ZBTB8A: variants seen among roughly 807,000 people sequenced by gnomAD.
ZBTB8A encodes zinc finger and BTB domain containing 8A.
Under a neutral mutation model 37.8 loss-of-function variants are expected in ZBTB8A, and 19 were observed. The ratio of observed to expected loss-of-function variants is 0.50; its 90% CI spans 0.35 to 0.74. The LOEUF (loss-of-function observed/expected upper bound fraction) is 0.74. Ranked by LOEUF, ZBTB8A falls within the 30% of genes least tolerant of loss-of-function variation. The pLI, the probability that ZBTB8A is intolerant of heterozygous loss-of-function variation, is 0.01. For synonymous variants in ZBTB8A, 181 were observed against 185.2 expected (o/e 0.98, Z 0.19); for missense variants, 394 against 537.8 (o/e 0.73, Z 2.65).
intron 2 of ZBTB8A, among the ~76,000 whole-genome samples, chr1:32,578,059 A>G (rs576193458): frequency 1.2e-4 from 18 of 151,518 alleles, no homozygotes; most frequent in Non-Finnish European, 2.4e-4. Flanking sequence ...GCGTGCCACC[A>G]TCCCCAGCTA....
At chr1:32,594,013 A>T (rs1462769908) in intron 3 of ZBTB8A, among the ~76,000 whole-genome samples, 1 of 151,878 alleles carries the variant, frequency 6.6e-6, no homozygotes, top group Non-Finnish European at 1.5e-5. Flanking sequence ...CCAACATGGC[A>T]AAACCCCGTC....
chr1:32,554,501 T>C (rs1245363197), intron 2 of ZBTB8A, among the ~76,000 whole-genome samples: 1 of 146,318 alleles, frequency 6.8e-6, no homozygotes, highest in African/African-American at 2.5e-5. Context: ...TATTTATTTA[T>C]TTATTTATTT....
chr1:32,539,720 G>GCGCCC (rs1557697353), intron 1 of ZBTB8A, 148 bp downstream of exon 1: 25 of 1,174 alleles, frequency 0.021, no homozygotes, highest in African/African-American at 0.028. Flanking sequence ...AGACGTCCCC[G>GCGCCC]GGCCGGGAGC....
intron 2 of ZBTB8A, among the ~76,000 whole-genome samples, chr1:32,581,016 G>A (rs559065927): frequency 7.0e-6 from 1 of 143,824 alleles, no homozygotes; most frequent in South Asian, 2.2e-4. Flanking sequence ...TCTTAATACT[G>A]TTACCTCTTA....
chr1:32,572,481 C>T (rs536106460), intron 2 of ZBTB8A, among the ~76,000 whole-genome samples: 3 of 151,630 alleles, frequency 2.0e-5, no homozygotes, highest in East Asian at 2.0e-4. Context: ...CTGCAACCTC[C>T]GCCTCCTGGG....
At chr1:32,558,569 A>G (rs1451435448) in intron 2 of ZBTB8A, among the ~76,000 whole-genome samples, 1 of 152,116 alleles carries the variant, frequency 6.6e-6, no homozygotes, top group Non-Finnish European at 1.5e-5. Flanking sequence ...AGCTTTCAAC[A>G]TGTGCCATTC....
At position 32,600,290 on chromosome 1, in the gene ZBTB8A, G is replaced by T; in HGVS notation, c.1197G>T (p.Trp399Cys). The change falls in exon 5 of 5, where the codon TGG becomes TGT. Residue 399 changes from tryptophan to cysteine, a missense_variant. Trp to Cys is a radical substitution (Grantham distance 215, BLOSUM62 -2). Around this residue, in one of 4 missense-constraint regions of ZBTB8A, gnomAD observed 85 missense variants for 89.0 expected, o/e 0.95. Coordinates refer to ENST00000373510, the MANE Select transcript of ZBTB8A (RefSeq NM_001040441.3). ...CAGATGGAGATAAGGATTCCAGATG[G>T]CACTTGAGTGAAGATGAGAATAGAT... is the stretch of plus-strand genomic sequence containing the variant. ...SPSDGDKDSR[W>C]HLSEDENRSY... The T allele has an allele frequency of 6.2e-7, 1 of 1,614,162 alleles. No homozygotes were observed.
intron 3 of ZBTB8A, 45 bp from the exon 4 acceptor site, chr1:32,595,008 AT>A (rs780859938): frequency 6.7e-7 from 1 of 1,496,214 alleles, no homozygotes; most frequent in East Asian, 2.3e-5. Flanking sequence ...TGTTATTAGA[AT>A]TGTTATGAAC....
At chr1:32,577,858 C>T (rs1644374677) in intron 2 of ZBTB8A, among the ~76,000 whole-genome samples, 1 of 151,968 alleles carries the variant, frequency 6.6e-6, no homozygotes, top group Non-Finnish European at 1.5e-5. Context: ...ACTGGGATTA[C>T]AGGTGTGAGC....
At chr1:32,542,523 G>A (rs1178492182) in intron 1 of ZBTB8A, among the ~76,000 whole-genome samples, 1 of 152,136 alleles carries the variant, frequency 6.6e-6, no homozygotes, top group South Asian at 2.1e-4. Flanking sequence ...GCAGTAAACC[G>A]AGATTGCGCC....
chr1:32,577,095 G>C (rs192875082), intron 2 of ZBTB8A, among the ~76,000 whole-genome samples: 1 of 144,944 alleles, frequency 6.9e-6, no homozygotes, highest in Admixed American at 7.0e-5. Flanking sequence ...GGCTGGTCTC[G>C]ACTCTTGACC....
In ZBTB8A at chr1:32,580,745, A is replaced by G. The variant is rs151057875; in HGVS notation, c.-1-12186A>G. Among the ~76,000 whole-genome samples, 168 of 152,226 alleles carry G rather than the reference A, an allele frequency of 1.1e-3. 1 individual carries two copies. Among genetic ancestry groups the G allele is most frequent in the African/African-American group, 3.7e-3 (155 of 41,546 alleles). ...CTTAGTCCGTTTCTGTTGCTATAAC[A>G]GAATACCACAGACTGGGTAATTTAT... On this transcript the variant is annotated intron_variant, in intron 2 of 4. Coordinates refer to ENST00000373510, the MANE Select transcript of ZBTB8A (RefSeq NM_001040441.3).
chr1:32,593,577 T>C lies in ZBTB8A; in HGVS notation c.646T>C (p.Ser216Pro). The change falls in exon 3 of 5, where the codon TCA becomes CCA. Residue 216 changes from serine to proline, a missense_variant. Ser to Pro is a moderately conservative substitution (Grantham distance 74). Coordinates refer to ENST00000373510, the MANE Select transcript of ZBTB8A (RefSeq NM_001040441.3). ...SIKKTKHLRL[S>P]QPSEVTHYKS... ...TAAAAAGACCAAACATTTGAGATTG[T>C]CACAGCCTTCTGAAGTTACTCATTA... The C allele has an allele frequency of 5.6e-6, 9 of 1,614,222 alleles. No individual in the cohort carries two copies. Among genetic ancestry groups the C allele is most frequent in the Non-Finnish European group, 6.8e-6 (8 of 1,180,040 alleles).
At position 32,595,079 on chromosome 1, in the gene ZBTB8A, G is replaced by A. The variant is rs1229119592; in HGVS notation, c.849G>A (p.Lys283=). 9.9e-6 allele frequency: 16 copies of A among 1,613,950 alleles called. No homozygotes were observed. The highest frequency in any genetic ancestry group is 4.0e-5 in the African/African-American group (3 of 74,908). Residue 283 remains lysine, a synonymous_variant, in exon 4 of 5, where the codon AAG becomes AAA. Transcript: ENST00000373510. The stretch of plus-strand genomic sequence containing the variant: ...ATGATCTGCCTCGGATGCGATTCAA[G>A]TGCCCGTACTGCACACATGTGGTGA... ...FPDDLPRMRF[K]CPYCTHVVKR...
chr1:32,577,474 T>G (rs1161438094), intron 2 of ZBTB8A, among the ~76,000 whole-genome samples: 2 of 151,734 alleles, frequency 1.3e-5, no homozygotes, highest in African/African-American at 2.4e-5. Flanking sequence ...TTTTTTTAAC[T>G]TTAGTTCAGA....
At chr1:32,554,887 G>C (rs977440268) in intron 2 of ZBTB8A, among the ~76,000 whole-genome samples, 1 of 151,998 alleles carries the variant, frequency 6.6e-6, no homozygotes, top group Non-Finnish European at 1.5e-5. Context: ...TCACATACTC[G>C]TATTATTAAG....
intron 2 of ZBTB8A, among the ~76,000 whole-genome samples, chr1:32,576,308 T>A (rs1321329836): frequency 6.6e-6 from 1 of 152,232 alleles, no homozygotes; most frequent in Non-Finnish European, 1.5e-5. Flanking sequence ...TATAAGAACC[T>A]TACAGTATAT....
intron 1 of ZBTB8A, among the ~76,000 whole-genome samples, chr1:32,545,250 T>A (rs1005274765): frequency 2.6e-5 from 4 of 151,942 alleles, no homozygotes; most frequent in Non-Finnish European, 5.9e-5. Context: ...AAGAAAAAAA[T>A]TTTAAAAAAT....
chr1:32,590,974 A>T (rs1570365969), intron 2 of ZBTB8A, among the ~76,000 whole-genome samples: 1 of 149,302 alleles, frequency 6.7e-6, no homozygotes, highest in Non-Finnish European at 1.5e-5. Context: ...ACTCGCTGCA[A>T]CCTCCACTTC....
Sources: gnomAD v4.1 joint callset for allele counts (sites outside exome capture counted in the v4.1 genomes callset) on GRCh38, gnomAD v4.1.1 for gene constraint, gnomAD v4.1.1 regional missense constraint, MANE v1.5 for transcripts, NCBI Gene and HGNC (gene_info 2026-07-23, HGNC 2026-07-21) for gene names.